The following BNIP1 variants were observed in gnomAD, a reference collection of about 807,000 sequenced individuals.
The protein encoded by BNIP1 is BCL2 interacting protein 1, also known as vesicle transport protein SEC20.
BNIP1 carries 25 observed loss-of-function variants against 28.5 expected under a neutral mutation model. The ratio of observed to expected loss-of-function variants is 0.88; its 90% CI spans 0.64 to 1.23. The LOEUF (loss-of-function observed/expected upper bound fraction) is 1.23, where lower values mean the gene tolerates loss of function less well. Ranked by LOEUF, BNIP1 falls within the 50% of genes most tolerant of loss-of-function variation. BNIP1 has a pLI of 0.00. For synonymous variants in BNIP1, 118 were observed against 101.7 expected (o/e 1.16, Z -0.96); for missense variants, 276 against 277.0 (o/e 1.00, Z 0.02).
chr5:173,159,910 TTTC>T lies in BNIP1; in HGVS notation c.372-21_372-19del. ...GAGGCTTTTGTTGACATTCCTCCCC[TTTC>T]TCTTCCTCTGAACTTTTAGGAAAAC... On this transcript the variant is annotated intron_variant, in intron 4 of 5. Transcript: ENST00000351486. 6.2e-7 allele frequency: 1 copy of T among 1,608,020 alleles called. No individual in the cohort carries two copies. Among genetic ancestry groups the T allele is most frequent in the South Asian group, 1.1e-5 (1 of 90,746 alleles).
chr5:173,152,585 G>A lies in BNIP1; in HGVS notation c.178-1737G>A, dbSNP rs926335739. On this transcript the variant is annotated intron_variant, in intron 2 of 5. Coordinates refer to ENST00000351486, the MANE Select transcript of BNIP1 (RefSeq NM_001205.3). ...AGGATGGTCTTGATCTCCTGACCTC[G>A]TAATCTGCCTGCCCTGGCCTCCCAA... Among the ~76,000 whole-genome samples the A allele has an allele frequency of 9.2e-5, 14 of 152,222 alleles. No homozygotes were observed. In the East Asian group the frequency reaches 1.9e-3, roughly 21 times the overall value.
At chr5:173,158,076 G>A (rs255298) in intron 3 of BNIP1, among the ~76,000 whole-genome samples, 74,604 of 151,374 alleles carry the variant, frequency 0.49, 19,462 homozygotes, top group Non-Finnish European at 0.59. Flanking sequence ...ACAGGCATGC[G>A]CCACCACCAT....
chr5:173,161,485 C>T (rs1459941295), intron 5 of BNIP1: 1 of 152,180 alleles, frequency 6.6e-6, no homozygotes, highest in Non-Finnish European at 1.5e-5. Flanking sequence ...GACAGCATAC[C>T]CCCCGCTAAC....
chr5:173,148,079 AAAAAATATATATATATATATATATAT>A (rs1181507381), intron 2 of BNIP1, among the ~76,000 whole-genome samples: 3 of 49,700 alleles, frequency 6.0e-5, no homozygotes, highest in African/African-American at 2.9e-4. Flanking sequence ...AAAAAAAAAA[AAAAAATATATATATATATATATATAT>A]ATATATATAT....
At chr5:173,154,875 AG>A (rs1760137731) in intron 3 of BNIP1, among the ~76,000 whole-genome samples, 1 of 152,164 alleles carries the variant, frequency 6.6e-6, no homozygotes, top group Non-Finnish European at 1.5e-5. Flanking sequence ...GCAATAGTCA[AG>A]TGGGGGCGAG....
chr5:173,151,716 T>G (rs1433863790), intron 2 of BNIP1: 1 of 1,612,366 alleles, frequency 6.2e-7, no homozygotes, highest in Admixed American at 1.7e-5. Context: ...TATGTTCTTT[T>G]TAAACATCTG....
chr5:173,147,287 C>A lies in BNIP1; in HGVS notation c.177+329C>A, dbSNP rs182673710. ...GGGCATGGTGGCAGGTGCCTGTAGTCCCAGCTACTCAGGAGGCTGAGGCAG... is the reference window on the plus strand; with the variant it reads ...GGGCATGGTGGCAGGTGCCTGTAGTACCAGCTACTCAGGAGGCTGAGGCAG... On this transcript the variant is annotated intron_variant, in intron 2 of 5. Coordinates refer to ENST00000351486, the MANE Select transcript of BNIP1 (RefSeq NM_001205.3). 2.6e-3 allele frequency among the ~76,000 whole-genome samples: 393 copies of A among 152,126 alleles called. 3 individuals carry two copies. Among genetic ancestry groups the A allele is most frequent in the African/African-American group, 9.3e-3 (387 of 41,490 alleles).
At position 173,157,497 on chromosome 5, in the gene BNIP1, C is replaced by T. The variant is rs142261662; in HGVS notation, c.270-1247C>T. 4.2e-3 allele frequency among the ~76,000 whole-genome samples: 640 copies of T among 152,190 alleles called. 8 individuals are homozygous for T. The highest frequency in any genetic ancestry group is 3.4e-3 in the Non-Finnish European group (232 of 68,014). On this transcript the variant is annotated intron_variant, in intron 3 of 5. Coordinates refer to ENST00000351486, the MANE Select transcript of BNIP1 (RefSeq NM_001205.3). ...TGGCGTGATCTTGGCTCACTGCAAC[C>T]TCTGCCTCCTAGATTCAAGTGATTT...
chr5:173,159,039 AT>A (rs140051067), intron 4 of BNIP1, among the ~76,000 whole-genome samples, 194 bp downstream of exon 4: 4,342 of 147,020 alleles, frequency 0.03, 90 homozygotes, highest in Non-Finnish European at 0.047. Context: ...AAAATATTGA[AT>A]TTTTTTTTTT....
chr5:173,148,195 C>T (rs1433705396), intron 2 of BNIP1, among the ~76,000 whole-genome samples: 4 of 141,228 alleles, frequency 2.8e-5, no homozygotes, highest in African/African-American at 1.1e-4. Flanking sequence ...AACTCCTGGG[C>T]TCAAGCAATC....
At chr5:173,153,476 C>A (rs1036397805) in intron 2 of BNIP1, among the ~76,000 whole-genome samples, 3 of 152,136 alleles carry the variant, frequency 2.0e-5, no homozygotes, top group Non-Finnish European at 4.4e-5. Context: ...ATCTCCCCGC[C>A]TCGGCCTCCC....
chr5:173,158,511 C>T (rs1760269781), intron 3 of BNIP1, among the ~76,000 whole-genome samples: 1 of 152,218 alleles, frequency 6.6e-6, no homozygotes, highest in Non-Finnish European at 1.5e-5. Flanking sequence ...AGAGTGACAG[C>T]AACAGAGCCT....
At chr5:173,144,712 G>T in intron 1 of BNIP1, 83 bp downstream of exon 1, 1 of 1,442,232 alleles carries the variant, frequency 6.9e-7, no homozygotes, top group South Asian at 1.2e-5. Context: ...TGTCACTCCC[G>T]AACTTTCCCC....
Position 173,163,740 on chromosome 5 carries a change from C to G in BNIP1, c.506C>G (p.Thr169Arg). The stretch of plus-strand genomic sequence containing the variant: ...TTTGTTTCAGTCACTTCTTCACGAA[C>G]GATCCTGGATGCAAATGAAGAATTT... ...AMQSLVTSSR[T>R]ILDANEEFKS... The change falls in exon 6 of 6, where the codon ACG becomes AGG. Residue 169 changes from threonine to arginine, a missense_variant. Transcript: ENST00000351486. 1 of 1,601,786 alleles carries G rather than the reference C, an allele frequency of 6.2e-7. No homozygotes were observed. Among genetic ancestry groups the G allele is most frequent in the Non-Finnish European group, 8.5e-7 (1 of 1,173,172 alleles).
chr5:173,151,373 C>T (rs1258318597), intron 2 of BNIP1, among the ~76,000 whole-genome samples: 1 of 152,140 alleles, frequency 6.6e-6, no homozygotes. Flanking sequence ...AGGCGTGCGC[C>T]ACCACACCCA....
intron 3 of BNIP1, among the ~76,000 whole-genome samples, chr5:173,155,660 T>A (rs1760164797): frequency 6.6e-6 from 1 of 151,912 alleles, no homozygotes; most frequent in Non-Finnish European, 1.5e-5. Flanking sequence ...ATTGCTGCAC[T>A]CCAGCCTGGG....
chr5:173,159,753 C>T (rs995102013), intron 4 of BNIP1, among the ~76,000 whole-genome samples, 180 bp from the exon 5 acceptor site: 3 of 152,278 alleles, frequency 2.0e-5, no homozygotes, highest in Admixed American at 6.5e-5. Flanking sequence ...GGTTTATGTT[C>T]CTACTAGCAG....
intron 2 of BNIP1, among the ~76,000 whole-genome samples, chr5:173,152,240 C>G: frequency 6.6e-6 from 1 of 152,326 alleles, no homozygotes; most frequent in Non-Finnish European, 1.5e-5. Context: ...TCCGCTTTTC[C>G]CATGCGTTCA....
intron 5 of BNIP1, chr5:173,161,739 A>C (rs1474261129): frequency 6.6e-6 from 1 of 152,206 alleles, no homozygotes; most frequent in Non-Finnish European, 1.5e-5. Context: ...GAGTAGTTGC[A>C]GTTGGGGGGA....
Sources: allele counts gnomAD v4.1 joint callset (sites outside exome capture counted in the v4.1 genomes callset), GRCh38; gene constraint gnomAD v4.1.1; transcripts MANE v1.5; gene names NCBI Gene and HGNC (gene_info 2026-07-23, HGNC 2026-07-21).